Variants in FBXO11 observed in about 807,000 individuals in gnomAD.
The protein encoded by FBXO11 is F-box protein 11.
FBXO11 carries 13 observed loss-of-function variants against 117.0 expected under a neutral mutation model. The observed-to-expected ratio is 0.11, with a 90% CI of 0.07 to 0.18. The LOEUF (loss-of-function observed/expected upper bound fraction) is 0.18, where lower values mean the gene tolerates loss of function less well. Among genes scored for constraint, FBXO11 ranks in the 10% least tolerant of loss-of-function variants. FBXO11 has a pLI of 1.00. For missense variants in FBXO11, 767 were observed against 1,164.4 expected (o/e 0.66, Z 4.97); for synonymous variants, 490 against 380.5 (o/e 1.29, Z -3.35).
rs1186135835 is a variant in FBXO11 at position 47,901,071 on chromosome 2, A to ATG, written c.232+4417_232+4418insCA. Among the ~76,000 whole-genome samples the ATG allele has an allele frequency of 4.0e-3, 530 of 131,554 alleles. 3 individuals are homozygous for ATG. Among genetic ancestry groups the ATG allele is most frequent in the Admixed American group, 7.1e-3 (94 of 13,314 alleles). The allele number at this position is 131,554 out of a possible 152,430, so 86.3% of individuals were successfully genotyped here. A position where few individuals can be genotyped will look rare whatever the true frequency, so the allele number is the denominator to read the frequency against. On this transcript the variant is annotated intron_variant, in intron 1 of 22. Coordinates refer to ENST00000403359, the MANE Select transcript of FBXO11 (RefSeq NM_001190274.2). ...TATATACACATATATATGTATATAT[A>ATG]TACACACGTGTGTACATATATATAC... is the stretch of plus-strand genomic sequence containing the variant.
Position 47,836,470 on chromosome 2 carries a change from A to G in FBXO11, c.588-469T>C, listed in dbSNP as rs1401797973. Among the ~76,000 whole-genome samples, 3 of 151,860 alleles carry G rather than the reference A, an allele frequency of 2.0e-5. No homozygotes were observed. In the East Asian group the frequency reaches 5.8e-4, roughly 30 times the overall value. ...TGCAACCTCTGCCTCCTGGGCTCAA[A>G]TGATCCTCCCACCTCAGCCTCCCAA... On this transcript the variant is annotated intron_variant, in intron 4 of 22. Transcript: ENST00000403359.
intron 1 of FBXO11, among the ~76,000 whole-genome samples, chr2:47,842,198 T>C (rs941915724): frequency 4.0e-5 from 6 of 151,304 alleles, no homozygotes; most frequent in African/African-American, 1.5e-4. Context: ...GTATTTTTGA[T>C]AGAGACGGGG....
intron 1 of FBXO11, chr2:47,883,948 G>C (rs1307700873): frequency 6.5e-6 from 1 of 154,152 alleles, no homozygotes; most frequent in Non-Finnish European, 1.5e-5. Context: ...TTGGCTGGGC[G>C]CAGGAGCTCA....
intron 11 of FBXO11, among the ~76,000 whole-genome samples, chr2:47,825,855 G>C (rs982647392): frequency 6.6e-6 from 1 of 151,998 alleles, no homozygotes. Flanking sequence ...GGGATTACAG[G>C]TGTGAGCCAC....
chr2:47,855,330 A>C (rs1674201099), intron 1 of FBXO11, among the ~76,000 whole-genome samples: 1 of 152,124 alleles, frequency 6.6e-6, no homozygotes, highest in East Asian at 1.9e-4. Flanking sequence ...AGCCTCCTTA[A>C]GTAGCTGGGA....
At chr2:47,842,604 T>TA (rs60496845) in intron 1 of FBXO11, among the ~76,000 whole-genome samples, 2,298 of 152,176 alleles carry the variant, frequency 0.015, 47 homozygotes, top group African/African-American at 0.052. Context: ...CTATTAAAGA[T>TA]AAGAGTATGT....
chr2:47,905,649 C>CTGCTGT lies in FBXO11; in HGVS notation c.66_71dup (p.Gln25_Gln26dup). On this transcript the variant is annotated inframe_insertion, in exon 1 of 23. Coordinates refer to ENST00000403359, the MANE Select transcript of FBXO11 (RefSeq NM_001190274.2). ...GCGGCGGCTGCTGCGGGGGCTGCTG[C>CTGCTGT]TGCTGTTGCTGCACCGGGCGCGGCC... The CTGCTGT allele has an allele frequency of 1.1e-5, 16 of 1,460,016 alleles. No homozygotes were observed. Among genetic ancestry groups the CTGCTGT allele is most frequent in the East Asian group, 9.0e-5 (3 of 33,280 alleles). The allele number at this position is 1,460,016 out of a possible 1,614,324, so 90.4% of individuals were successfully genotyped here.
chr2:47,816,709 C>T (rs553724107), intron 16 of FBXO11, among the ~76,000 whole-genome samples: 272 of 152,140 alleles, frequency 1.8e-3, no homozygotes, highest in Non-Finnish European at 3.3e-3. Flanking sequence ...TGTGCATCTG[C>T]ATCAGAATTC....
intron 1 of FBXO11, among the ~76,000 whole-genome samples, chr2:47,874,415 A>G (rs1028989674): frequency 6.6e-6 from 1 of 152,080 alleles, no homozygotes; most frequent in African/African-American, 2.4e-5. Context: ...AGGTTATTTT[A>G]CAAATAATTT....
At chr2:47,822,186 A>AT in intron 13 of FBXO11, 32 bp downstream of exon 13, 3 of 1,417,874 alleles carry the variant, frequency 2.1e-6, no homozygotes, top group Non-Finnish European at 2.9e-6. Context: ...ATACAAATCT[A>AT]TAAGTTTTAT....
intron 7 of FBXO11, 125 bp downstream of exon 7, chr2:47,834,454 A>T: frequency 1.5e-6 from 1 of 663,920 alleles, no homozygotes; most frequent in Non-Finnish European, 2.4e-6. Context: ...TATGTGTGAT[A>T]TCTTCATTCC....
At chr2:47,832,533 T>C (rs111374070) in intron 10 of FBXO11, 39 bp downstream of exon 10, 25 of 1,608,114 alleles carry the variant, frequency 1.6e-5, no homozygotes, top group African/African-American at 1.2e-4. Context: ...TTTTAAACAT[T>C]TTCTAAAAAG....
chr2:47,863,422 A>G (rs1423168642), intron 1 of FBXO11, among the ~76,000 whole-genome samples: 1 of 152,196 alleles, frequency 6.6e-6, no homozygotes, highest in East Asian at 1.9e-4. Context: ...CTGAAACAAC[A>G]CAGCTAAAGA....
At chr2:47,895,747 C>T (rs143462531) in intron 1 of FBXO11, among the ~76,000 whole-genome samples, 388 of 152,204 alleles carry the variant, frequency 2.5e-3, no homozygotes, top group Non-Finnish European at 4.5e-3. Flanking sequence ...GGCTGGAGTG[C>T]AGTGGCATGA....
chr2:47,887,292 A>G (rs1476560037), intron 1 of FBXO11, among the ~76,000 whole-genome samples: 1 of 151,080 alleles, frequency 6.6e-6, no homozygotes, highest in East Asian at 1.9e-4. Context: ...TTTCAAAAAA[A>G]AAAGGTGGGG....
intron 1 of FBXO11, among the ~76,000 whole-genome samples, chr2:47,886,898 G>C (rs1471551601): frequency 1.3e-5 from 2 of 152,146 alleles, no homozygotes; most frequent in Admixed American, 1.3e-4. Flanking sequence ...AATTAACTGA[G>C]CATAGTGGCA....
Position 47,905,450 on chromosome 2 carries a change from C to T in FBXO11, c.232+39G>A, listed in dbSNP as rs1470828975. 5 of 1,206,322 alleles carry T rather than the reference C, an allele frequency of 4.1e-6. No individual in the cohort carries two copies. The African/African-American group carries it at 6.4e-5, about 15-fold the overall frequency. 74.7% of individuals were successfully genotyped at this position (1,206,322 alleles called of 1,614,324 possible). A position where few individuals can be genotyped will look rare whatever the true frequency, so the allele number is the denominator to read the frequency against. On this transcript the variant is annotated intron_variant, in intron 1 of 22. Coordinates refer to ENST00000403359, the MANE Select transcript of FBXO11 (RefSeq NM_001190274.2). ...CGCCCCGGCCTCCCTTCCCGCGGTG[C>T]CCGGGAAGGCGGGCGGTTGGGAGGT...
chr2:47,900,956 T>C (rs1448640184), intron 1 of FBXO11, among the ~76,000 whole-genome samples: 2 of 144,020 alleles, frequency 1.4e-5, no homozygotes, highest in East Asian at 4.1e-4. Context: ...TTTTTAAAAA[T>C]TGAAATCATT....
chr2:47,818,623 C>G (rs1671169730), intron 16 of FBXO11, 156 bp downstream of exon 16: 6 of 627,928 alleles, frequency 9.6e-6, no homozygotes, highest in Non-Finnish European at 1.7e-5. Context: ...AGGAAAGCTA[C>G]ATTCTGACAA....
Sources: gnomAD v4.1 joint callset for allele counts (sites outside exome capture counted in the v4.1 genomes callset) on GRCh38, gnomAD v4.1.1 for gene constraint, MANE v1.5 for transcripts, NCBI Gene and HGNC (gene_info 2026-07-23, HGNC 2026-07-21) for gene names.